The following CPSF6 variants were observed in gnomAD, a reference collection of about 807,000 sequenced individuals.
CPSF6 encodes the protein cleavage and polyadenylation specific factor 6.
CPSF6 carries 10 observed loss-of-function variants against 56.7 expected under a neutral mutation model. The observed-to-expected ratio is 0.18, with a 90% CI of 0.11 to 0.30. CPSF6 has a LOEUF of 0.30. Among genes scored for constraint, CPSF6 ranks in the 10% least tolerant of loss-of-function variants. The probability of loss-of-function intolerance (pLI) is 1.00; values close to 1 mark genes in which losing one functional copy is unlikely to be tolerated. For synonymous variants in CPSF6, 248 were observed against 244.8 expected, an observed-to-expected ratio of 1.01 and a Z score of -0.12; for missense variants, 419 against 722.9, an observed-to-expected ratio of 0.58 and a Z score of 4.82.
chr12:69,261,099 T>A (rs1357894446), intron 8 of CPSF6, among the ~76,000 whole-genome samples: 6 of 152,358 alleles, frequency 3.9e-5, no homozygotes, highest in Non-Finnish European at 8.8e-5. Flanking sequence ...GCAGACCTAA[T>A]CTTCACTTGG....
intron 3 of CPSF6, among the ~76,000 whole-genome samples, chr12:69,253,425 G>A (rs1475617796): frequency 1.3e-5 from 2 of 152,166 alleles, no homozygotes; most frequent in South Asian, 2.1e-4. Context: ...GGTTGAAATG[G>A]TTGTTGAAAT....
chr12:69,267,549 T>A (rs1464961025), intron 9 of CPSF6, among the ~76,000 whole-genome samples: 4 of 151,984 alleles, frequency 2.6e-5, no homozygotes, highest in Non-Finnish European at 1.5e-5. Flanking sequence ...TTGTCACTTT[T>A]AAGCTTCTTT....
At chr12:69,245,932 C>T (rs905097499) in intron 1 of CPSF6, among the ~76,000 whole-genome samples, 2 of 152,128 alleles carry the variant, frequency 1.3e-5, no homozygotes, top group African/African-American at 2.4e-5. Context: ...ACTAAAAATA[C>T]AAAATTTAGC....
At chr12:69,260,768 A>C (rs1053093711) in intron 8 of CPSF6, among the ~76,000 whole-genome samples, 1 of 152,178 alleles carries the variant, frequency 6.6e-6, no homozygotes, top group East Asian at 1.9e-4. Flanking sequence ...GGATTTATCT[A>C]TCCTGCTTAC....
At position 69,262,526 on chromosome 12, in the gene CPSF6, G is replaced by C. The variant is rs751188299; in HGVS notation, c.1623G>C (p.Glu541Asp). 8.7e-6 allele frequency: 14 copies of C among 1,613,130 alleles called. No individual in the cohort carries two copies. Among genetic ancestry groups the C allele is most frequent in the South Asian group, 4.4e-5 (4 of 91,044 alleles). Residue 541 changes from glutamate to aspartate, a missense_variant, in exon 9 of 10, where the codon GAG becomes GAC. Transcript: ENST00000435070. Reference sequence around the variant, plus strand: ...ATCGTGACCGAGACCGTGACCGAGAGCGTGACCGAGAGCGCGAATATCGTC... The same window carrying C: ...ATCGTGACCGAGACCGTGACCGAGACCGTGACCGAGAGCGCGAATATCGTC... ...HRDRDRDRDR[E>D]RDREREYRHR
rs917129667 is a variant in CPSF6, at chr12:69,272,457, C to T, written c.*2949C>T. ...GGAAAGGGCAAAGACTTTCTCTTTC[C>T]CTTATGTATTTAACTGTGCCAATCT... is the stretch of plus-strand genomic sequence containing the variant. On this transcript the variant is annotated 3_prime_UTR_variant, in exon 10 of 10. Transcript: ENST00000435070. 2 of 151,400 alleles carry T rather than the reference C, an allele frequency of 1.3e-5. No homozygotes were observed. The highest frequency in any genetic ancestry group is 3.0e-5 in the Non-Finnish European group (2 of 67,542). 9.4% of individuals were successfully genotyped at this position (151,400 alleles called of 1,614,324 possible). A position where few individuals can be genotyped will look rare whatever the true frequency, so the allele number is the denominator to read the frequency against.
In CPSF6 at chr12:69,267,588, C is replaced by T. The variant is rs74706129; in HGVS notation, c.*4-1924C>T. On this transcript the variant is annotated intron_variant, in intron 9 of 9. Transcript: ENST00000435070. ...ATATCTTTGTTGATGTAGTTGCCTA[C>T]TTAGACATTTGAGAGTATAATATGG... Among the ~76,000 whole-genome samples the T allele has an allele frequency of 5.1e-3, 778 of 151,992 alleles. 3 individuals carry two copies. Among genetic ancestry groups the T allele is most frequent in the African/African-American group, 0.018 (744 of 41,550 alleles).
intron 9 of CPSF6, 120 bp downstream of exon 9, chr12:69,262,682 A>C: frequency 2.5e-6 from 3 of 1,176,722 alleles, no homozygotes; most frequent in Non-Finnish European, 3.3e-6. Flanking sequence ...TTGTGAATTT[A>C]ATCTTCTGGA....
chr12:69,249,152 C>CGGTGGGGGGGGGGG (rs1491257320), intron 1 of CPSF6, among the ~76,000 whole-genome samples: 4 of 16,610 alleles, frequency 2.4e-4, no homozygotes, highest in Admixed American at 7.7e-4. Flanking sequence ...CCCAGCTACT[C>CGGTGGGGGGGGGGG]GGGGGGGGGG....
chr12:69,241,487 A>G (rs1230370955), intron 1 of CPSF6, among the ~76,000 whole-genome samples: 4 of 152,198 alleles, frequency 2.6e-5, no homozygotes, highest in Non-Finnish European at 4.4e-5. Flanking sequence ...TCACCTTTCT[A>G]TGCACAATAA....
At chr12:69,240,328 C>T (rs1038713392) in intron 1 of CPSF6, among the ~76,000 whole-genome samples, 6 of 152,240 alleles carry the variant, frequency 3.9e-5, no homozygotes, top group Admixed American at 1.3e-4. Context: ...TTCCTCCTCC[C>T]CTCACACTTT....
At chr12:69,244,353 A>C (rs1421166544) in intron 1 of CPSF6, among the ~76,000 whole-genome samples, 1 of 151,976 alleles carries the variant, frequency 6.6e-6, no homozygotes, top group Non-Finnish European at 1.5e-5. Context: ...CTCCTGCCTC[A>C]GCTGGGATTA....
intron 7 of CPSF6, 102 bp downstream of exon 7, chr12:69,259,645 CT>C: frequency 1.0e-6 from 1 of 954,000 alleles, no homozygotes; most frequent in Non-Finnish European, 1.5e-6. Context: ...TGTAGTAGTT[CT>C]TTTTATATTC....
chr12:69,245,284 T>A (rs1871839966), intron 1 of CPSF6, among the ~76,000 whole-genome samples: 1 of 152,168 alleles, frequency 6.6e-6, no homozygotes. Context: ...AGGAATGCAT[T>A]GGGCTAAGAT....
chr12:69,263,157 A>T (rs1231049280), intron 9 of CPSF6, among the ~76,000 whole-genome samples: 1 of 152,008 alleles, frequency 6.6e-6, no homozygotes, highest in Admixed American at 6.6e-5. Flanking sequence ...AAGAAACAGT[A>T]TCCTTTAATT....
intron 1 of CPSF6, among the ~76,000 whole-genome samples, chr12:69,241,847 A>G (rs899958108): frequency 1.3e-5 from 2 of 151,966 alleles, no homozygotes; most frequent in African/African-American, 4.8e-5. Context: ...GCTACTTTGC[A>G]TATCATTGGC....
rs772144448 is a variant in CPSF6 at position 69,257,803 on chromosome 12, C to G, written c.592C>G (p.Pro198Ala). ...AGGAGGCAGTTCCCGTGCAGCATTT[C>G]CACAAGGTGGTAGAGGACGGGGCCG... ...PPGGSSRAAF[P>A]QGGRGRGRFP... is the part of the protein sequence containing the mutation. Residue 198 changes from proline (P) to alanine (A), a missense_variant, in exon 5 of 10, where the codon CCA (proline) becomes GCA (alanine). Transcript: ENST00000435070. The G allele has an allele frequency of 6.2e-7, 1 of 1,613,488 alleles. No individual in the cohort carries two copies. Among genetic ancestry groups the G allele is most frequent in the African/African-American group, 1.3e-5 (1 of 74,862 alleles).
In CPSF6 at chr12:69,272,000, A is replaced by G. The variant is rs1271253876; in HGVS notation, c.*2492A>G. On this transcript the variant is annotated 3_prime_UTR_variant, in exon 10 of 10. Transcript: ENST00000435070. ...TAGCATTTATTAGTGCTATACAGTC[A>G]CATTCCTTTCAGCCAGTAGTAAAGT... 1 of 151,764 alleles carries G rather than the reference A, an allele frequency of 6.6e-6. No individual in the cohort carries two copies. The highest frequency in any genetic ancestry group is 1.9e-4 in the East Asian group (1 of 5,198). The allele number at this position is 151,764 out of a possible 1,614,324, so 9.4% of individuals were successfully genotyped here.
At chr12:69,251,873 C>T (rs534681107) in intron 2 of CPSF6, among the ~76,000 whole-genome samples, 3 of 152,198 alleles carry the variant, frequency 2.0e-5, no homozygotes, top group African/African-American at 7.2e-5. Flanking sequence ...TTTAGAGCTT[C>T]ATTAAATGCA....
Sources: allele counts gnomAD v4.1 joint callset (sites outside exome capture counted in the v4.1 genomes callset), GRCh38; gene constraint gnomAD v4.1.1; transcripts MANE v1.5; gene names NCBI Gene and HGNC (gene_info 2026-07-23, HGNC 2026-07-21).